The following DHRSX variants were observed in gnomAD, a reference collection of about 807,000 sequenced individuals.
The protein encoded by DHRSX is polyprenol dehydrogenase.
In DHRSX, 31 loss-of-function variants were observed where a neutral mutation model predicts 34.0. The ratio of observed to expected loss-of-function variants is 0.91; its 90% CI spans 0.69 to 1.23. The LOEUF is 1.23. Ranked by LOEUF, DHRSX falls within the 50% of genes most tolerant of loss-of-function variation. The probability of loss-of-function intolerance (pLI) is 0.00; values close to 1 mark genes in which losing one functional copy is unlikely to be tolerated. For missense variants in DHRSX, 414 were observed against 428.1 expected (o/e 0.97, Z 0.29); for synonymous variants, 201 against 183.8 (o/e 1.09, Z -0.76).
chrX:2,500,654 G>GCCCCC (rs546772121), intron 1 of DHRSX, 163 bp downstream of exon 1: 1 of 126,738 alleles, frequency 7.9e-6, no homozygotes, highest in African/African-American at 3.1e-5. Context: ...CGCGCACGCC[G>GCCCCC]CCCCCCCCCC....
chrX:2,430,492 C>T (rs901872733), intron 1 of DHRSX, among the ~76,000 whole-genome samples: 30 of 152,086 alleles, frequency 2.0e-4, no homozygotes, highest in Admixed American at 9.2e-4. Context: ...CGGGCTTCCT[C>T]AGGGTTTTGG....
At position 2,245,306 on chromosome X, in the gene DHRSX, A is replaced by T. The variant is rs1309002678; in HGVS notation, c.597-2076T>A. Among the ~76,000 whole-genome samples the T allele has an allele frequency of 9.2e-5, 14 of 151,876 alleles. No individual in the cohort carries two copies. The East Asian group carries it at 2.7e-3, about 30-fold the overall frequency. Reference sequence around the variant, plus strand: ...TTCCAGTTGTCCCTGCTTTTCAAGGACTATACTTCTTATTTTTTTGAGACA... The same window carrying T: ...TTCCAGTTGTCCCTGCTTTTCAAGGTCTATACTTCTTATTTTTTTGAGACA... On this transcript the variant is annotated intron_variant, in intron 5 of 6. Transcript: ENST00000334651.
intron 3 of DHRSX, among the ~76,000 whole-genome samples, chrX:2,308,147 C>G (rs975008915): frequency 6.6e-6 from 1 of 152,070 alleles, no homozygotes; most frequent in Non-Finnish European, 1.5e-5. Flanking sequence ...AAATGAGTGT[C>G]TGCCACGTAG....
chrX:2,275,598 C>T (rs1237785989), intron 4 of DHRSX, among the ~76,000 whole-genome samples: 1 of 151,656 alleles, frequency 6.6e-6, no homozygotes, highest in Non-Finnish European at 1.5e-5. Context: ...AGGTAACCGC[C>T]TCCCACATCT....
intron 3 of DHRSX, 141 bp from the exon 4 acceptor site, chrX:2,291,744 C>T (rs765858872): frequency 4.5e-6 from 3 of 671,470 alleles, no homozygotes; most frequent in Admixed American, 2.4e-5. Flanking sequence ...GATGGAGTCT[C>T]GCTCTGTTGA....
intron 1 of DHRSX, among the ~76,000 whole-genome samples, chrX:2,499,691 C>T (rs893602011): frequency 6.6e-6 from 1 of 152,034 alleles, no homozygotes; most frequent in Non-Finnish European, 1.5e-5. Flanking sequence ...AGGATTGCTT[C>T]GGCCCATGAG....
chrX:2,408,714 A>AC, intron 3 of DHRSX, 31 bp downstream of exon 3: 2 of 1,555,158 alleles, frequency 1.3e-6, no homozygotes, highest in Non-Finnish European at 1.7e-6. Context: ...AAAAAAAAAC[A>AC]AAAAAAAGCC....
rs1218147007 is a variant in DHRSX at position 2,291,707 on chromosome X, C to T, written c.287-104G>A. On this transcript the variant is annotated intron_variant, in intron 3 of 6. Transcript: ENST00000334651. ...AAACTCAATTTCATCTAGGAAGTAA[C>T]ACTTTTTTTTTTTCTGCTCTTTTTG... 3 of 802,438 alleles carry T rather than the reference C, an allele frequency of 3.7e-6. No homozygotes were observed. The African/African-American group carries it at 7.5e-5, about 20-fold the overall frequency. The allele number at this position is 802,438 out of a possible 1,614,324, so 49.7% of individuals were successfully genotyped here.
chrX:2,367,412 T>C (rs1428247060), intron 3 of DHRSX, among the ~76,000 whole-genome samples: 3 of 143,776 alleles, frequency 2.1e-5, no homozygotes, highest in Non-Finnish European at 3.0e-5. Flanking sequence ...CACTCCAGCC[T>C]GGGAGATAGA....
chrX:2,333,191 T>C (rs776926244), intron 3 of DHRSX, among the ~76,000 whole-genome samples: 1 of 152,354 alleles, frequency 6.6e-6, no homozygotes, highest in Admixed American at 6.5e-5. Context: ...TGCATTTTAT[T>C]CTTTTTTATA....
chrX:2,459,160 T>C (rs1286679812), intron 1 of DHRSX, among the ~76,000 whole-genome samples: 1 of 151,978 alleles, frequency 6.6e-6, no homozygotes, highest in African/African-American at 2.4e-5. Context: ...TACATTAAAA[T>C]TAAATTTTTT....
At chrX:2,260,986 G>T (rs1267666620) in intron 5 of DHRSX, among the ~76,000 whole-genome samples, 1 of 151,976 alleles carries the variant, frequency 6.6e-6, no homozygotes, top group African/African-American at 2.4e-5. Context: ...AAGGCAGGCA[G>T]ATCACTTGAG....
At chrX:2,387,579 C>T (rs1354992354) in intron 3 of DHRSX, among the ~76,000 whole-genome samples, 3 of 152,010 alleles carry the variant, frequency 2.0e-5, no homozygotes, top group Non-Finnish European at 2.9e-5. Flanking sequence ...AGTCTAGCCT[C>T]GCTGGCCTGC....
intron 3 of DHRSX, among the ~76,000 whole-genome samples, chrX:2,355,332 T>G (rs115947886): frequency 1.3e-5 from 2 of 151,950 alleles, no homozygotes; most frequent in East Asian, 1.9e-4. Flanking sequence ...AGCAACATAG[T>G]GAGAGCCTGT....
At chrX:2,271,796 C>A (rs2041559012) in intron 4 of DHRSX, among the ~76,000 whole-genome samples, 1 of 152,182 alleles carries the variant, frequency 6.6e-6, no homozygotes, top group Non-Finnish European at 1.5e-5. Context: ...CCTCCCAGCA[C>A]TTTCAGAGGG....
At chrX:2,395,224 G>T (rs887936535) in intron 3 of DHRSX, among the ~76,000 whole-genome samples, 2 of 152,096 alleles carry the variant, frequency 1.3e-5, no homozygotes, top group Non-Finnish European at 2.9e-5. Context: ...CTCACCTGCT[G>T]CAGGGAGCTC....
At chrX:2,303,760 G>GATGGATGGATAA (rs2042045056) in intron 3 of DHRSX, among the ~76,000 whole-genome samples, 1 of 129,672 alleles carries the variant, frequency 7.7e-6, no homozygotes, top group East Asian at 2.5e-4. Context: ...GGATTGGATA[G>GATGGATGGATAA]ATGGATGGAT....
chrX:2,431,976 A>C (rs2043930043), intron 1 of DHRSX, among the ~76,000 whole-genome samples: 1 of 152,072 alleles, frequency 6.6e-6, no homozygotes, highest in South Asian at 2.1e-4. Context: ...GTGGATCACG[A>C]GGTCAGGAGT....
chrX:2,464,084 A>G (rs1255274851), intron 1 of DHRSX, among the ~76,000 whole-genome samples: 1 of 152,040 alleles, frequency 6.6e-6, no homozygotes, highest in South Asian at 2.1e-4. Context: ...CGCCATGTAC[A>G]CACTGAAGAT....
Sources: allele counts gnomAD v4.1 joint callset (sites outside exome capture counted in the v4.1 genomes callset), GRCh38; gene constraint gnomAD v4.1.1; transcripts MANE v1.5; gene names NCBI Gene and HGNC (gene_info 2026-07-23, HGNC 2026-07-21).